Variants in PTPRB observed in about 807,000 individuals in gnomAD.
The protein encoded by PTPRB is protein tyrosine phosphatase receptor type B.
PTPRB carries 97 observed loss-of-function variants against 238.1 expected under a neutral mutation model. The observed-to-expected ratio is 0.41, with a 90% CI of 0.35 to 0.48. PTPRB has a LOEUF of 0.48. Among genes scored for constraint, PTPRB ranks in the 20% least tolerant of loss-of-function variants. The pLI is 0.30. For missense variants in PTPRB, 2,292 were observed against 2,681.9 expected, an observed-to-expected ratio of 0.85 and a Z score of 3.21; for synonymous variants, 970 against 995.4, an observed-to-expected ratio of 0.97 and a Z score of 0.48.
chr12:70,540,985 ACG>A lies in PTPRB; in HGVS notation c.5495-30_5495-29del, dbSNP rs758870722. ...ACAATAATCCAGATAGAAACAACAA[ACG>A]CAGGTGGGAAAATTAGTGCTAGGGA... On this transcript the variant is annotated intron_variant, in intron 22 of 33. Transcript: ENST00000334414. The A allele has an allele frequency of 2.6e-5, 40 of 1,552,026 alleles. No individual in the cohort carries two copies. The Admixed American group carries it at 7.4e-4, about 29-fold the overall frequency.
At chr12:70,565,697 T>C (rs550213914) in intron 15 of PTPRB, among the ~76,000 whole-genome samples, 6 of 152,366 alleles carry the variant, frequency 3.9e-5, no homozygotes, top group Admixed American at 1.3e-4. Flanking sequence ...CAGACCTATG[T>C]ACTTAATAAA....
Position 70,560,711 on chromosome 12 carries a change from A to C in PTPRB, c.4392T>G (p.Ser1464Arg). The C allele has an allele frequency of 6.2e-7, 1 of 1,613,916 alleles. No homozygotes were observed. The highest frequency in any genetic ancestry group is 8.5e-7 in the Non-Finnish European group (1 of 1,179,884). ...RKYVLWVVTH[S>R]GDLSNKVTAE... ...CTGTGACTTTATTGCTGAGATCTCCACTGTGAGTTACCACCCACAGCACGT... is the reference window on the plus strand; with the variant it reads ...CTGTGACTTTATTGCTGAGATCTCCCCTGTGAGTTACCACCCACAGCACGT... Residue 1464 changes from serine (S) to arginine (R), a missense_variant, in exon 17 of 34, where the codon AGT (serine) becomes AGG (arginine). Coordinates refer to ENST00000334414, the MANE Select transcript of PTPRB (RefSeq NM_001109754.4). This position sits in a 1 kb window ranked among gnomAD's most constrained non-coding sequence, Gnocchi z 4.2.
rs372832282 is a variant in PTPRB at position 70,609,137 on chromosome 12, T to C, written c.911A>G (p.Gln304Arg). The C allele has an allele frequency of 1.1e-5, 18 of 1,613,938 alleles. No homozygotes were observed. In the South Asian group the frequency reaches 1.4e-4, roughly 13 times the overall value. Residue 304 changes from glutamine (Q) to arginine (R), a missense_variant, in exon 4 of 34, where the codon CAA becomes CGA. Physicochemically the swap from Gln to Arg is conservative, Grantham distance 43. This residue lies in a region of PTPRB where 1,205 missense variants were observed against 1,287.8 expected (regional missense o/e 0.94). Coordinates refer to ENST00000334414, the MANE Select transcript of PTPRB (RefSeq NM_001109754.4). ...CCTGAAGTTATAGATGGTTCCTGCT[T>C]GTAAATCTTGAAGGTTACATCCGTA... The part of the protein sequence containing the change: ...TTYGCNLQDL[Q>R]AGTIYNFRII...
intron 12 of PTPRB, 156 bp from the exon 13 acceptor site, chr12:70,571,445 A>G: frequency 1.3e-6 from 1 of 756,104 alleles, no homozygotes; most frequent in East Asian, 2.7e-5. Flanking sequence ...GAAAAATTGG[A>G]AGCAACTATT....
intron 3 of PTPRB, among the ~76,000 whole-genome samples, chr12:70,621,680 A>G (rs1232425985): frequency 1.3e-5 from 2 of 152,208 alleles, no homozygotes; most frequent in African/African-American, 4.8e-5. Flanking sequence ...GACTTCTATA[A>G]ATGATTTGGG....
At chr12:70,567,566 C>T (rs1467389170) in intron 14 of PTPRB, among the ~76,000 whole-genome samples, 1 of 152,148 alleles carries the variant, frequency 6.6e-6, no homozygotes, top group Non-Finnish European at 1.5e-5. Context: ...CTAGCCACTC[C>T]CTCTTTGTGT....
intron 27 of PTPRB, 78 bp downstream of exon 27, chr12:70,538,846 A>G (rs1874587846): frequency 1.8e-6 from 2 of 1,138,968 alleles, no homozygotes; most frequent in Non-Finnish European, 2.6e-6. Context: ...ATATTTCTTT[A>G]GCCTCATTTC....
chr12:70,580,766 C>T (rs770039191), intron 10 of PTPRB, among the ~76,000 whole-genome samples: 8 of 150,744 alleles, frequency 5.3e-5, no homozygotes, highest in Non-Finnish European at 1.0e-4. Context: ...TGCGGTGAGC[C>T]GAGATCACGC....
chr12:70,567,110 A>G (rs1293800553), intron 14 of PTPRB, among the ~76,000 whole-genome samples: 2 of 152,218 alleles, frequency 1.3e-5, no homozygotes, highest in African/African-American at 4.8e-5. Flanking sequence ...ACTAAGGTCA[A>G]AACTTCAAGA....
chr12:70,567,978 C>T (rs970726344), intron 14 of PTPRB, among the ~76,000 whole-genome samples: 34 of 152,258 alleles, frequency 2.2e-4, no homozygotes, highest in African/African-American at 8.2e-4. Context: ...GCATGAGCCA[C>T]CGTGCCCGGC....
chr12:70,613,837 TA>T (rs1432979243), intron 3 of PTPRB, among the ~76,000 whole-genome samples: 2 of 152,178 alleles, frequency 1.3e-5, no homozygotes, highest in African/African-American at 4.8e-5. Flanking sequence ...CAAGTCCTTC[TA>T]AACATGGTCC....
At chr12:70,597,008 C>T (rs1289568113) in intron 4 of PTPRB, among the ~76,000 whole-genome samples, 1 of 151,894 alleles carries the variant, frequency 6.6e-6, no homozygotes, top group Non-Finnish European at 1.5e-5. Flanking sequence ...ACCTCCGCCT[C>T]CCGGGTTCAA....
intron 28 of PTPRB, among the ~76,000 whole-genome samples, chr12:70,537,491 C>T (rs1248137847): frequency 6.6e-6 from 1 of 152,032 alleles, no homozygotes; most frequent in Non-Finnish European, 1.5e-5. Flanking sequence ...GTCAGGATTC[C>T]ATCTTATCCC....
chr12:70,530,728 G>A (rs1873111343), intron 32 of PTPRB, among the ~76,000 whole-genome samples: 1 of 152,044 alleles, frequency 6.6e-6, no homozygotes, highest in East Asian at 1.9e-4. Context: ...ATTTTTCCTA[G>A]TTTTGTGTAT....
intron 2 of PTPRB, among the ~76,000 whole-genome samples, chr12:70,625,317 G>A (rs1566022360): frequency 1.3e-5 from 2 of 152,174 alleles, no homozygotes; most frequent in Non-Finnish European, 2.9e-5. Flanking sequence ...GAATATTGAA[G>A]CCTTGGTCCT....
At position 70,636,062 on chromosome 12, in the gene PTPRB, C is replaced by T. The variant is rs769930602; in HGVS notation, c.60G>A (p.Gly20=). Residue 20 remains glycine (G), a synonymous_variant, in exon 2 of 34, where the codon GGG becomes GGA. Coordinates refer to ENST00000334414, the MANE Select transcript of PTPRB (RefSeq NM_001109754.4). The part of the protein sequence containing the change: ...LTCLIFRNSE[G]FQIVHVQKQQ... ...GTTTCTGGACATGGACAATCTGAAA[C>T]CCTTCTGGAAGATGAAAAGCTCATA... 48 of 1,606,004 alleles carry T rather than the reference C, an allele frequency of 3.0e-5. No individual in the cohort carries two copies. Among genetic ancestry groups the T allele is most frequent in the Non-Finnish European group, 1.7e-6 (2 of 1,175,486 alleles).
chr12:70,550,704 AT>A (rs1876745349), intron 21 of PTPRB, among the ~76,000 whole-genome samples: 4 of 152,004 alleles, frequency 2.6e-5, no homozygotes, highest in African/African-American at 9.7e-5. Context: ...CCAGACACAA[AT>A]TTTTTATAGC....
chr12:70,563,031 C>A lies in PTPRB; in HGVS notation c.3981G>T (p.Glu1327Asp). 1.2e-6 allele frequency: 2 copies of A among 1,613,966 alleles called. No homozygotes were observed. The highest frequency in any genetic ancestry group is 1.3e-5 in the African/African-American group (1 of 75,040). ...AGATGTTGTACCAGCTGAGCTCCCC[C>A]TCTGAGGCGGTCCAGCGGAAGGACA... The part of the protein sequence containing the change: ...RHLSFRWTAS[E>D]GELSWYNIFL... Residue 1327 changes from glutamate to aspartate, a missense_variant, in exon 16 of 34, where the codon GAG becomes GAT. Glu to Asp is a conservative substitution (Grantham distance 45). This residue lies in a region of PTPRB where 683 missense variants were observed against 862.0 expected (regional missense o/e 0.79). Coordinates refer to ENST00000334414, the MANE Select transcript of PTPRB (RefSeq NM_001109754.4).
intron 19 of PTPRB, 27 bp downstream of exon 19, chr12:70,555,843 T>C (rs756767199): frequency 1.2e-6 from 2 of 1,607,862 alleles, no homozygotes; most frequent in Non-Finnish European, 1.7e-6. Context: ...GACAGGAGGC[T>C]CTGTGCGCAC....
Sources: gnomAD v4.1 joint callset for allele counts (sites outside exome capture counted in the v4.1 genomes callset) on GRCh38, gnomAD v4.1.1 for gene constraint, gnomAD v4.1.1 regional missense constraint, Gnocchi (gnomAD v3.1) non-coding constraint, MANE v1.5 for transcripts, NCBI Gene and HGNC (gene_info 2026-07-23, HGNC 2026-07-21) for gene names.